The following PSPC1 variants were observed in gnomAD, a reference collection of about 807,000 sequenced individuals.
The protein encoded by PSPC1 is paraspeckle protein 1.
In PSPC1, 14 loss-of-function variants were observed where a neutral mutation model predicts 51.6. That is an observed-to-expected ratio of 0.27 (90% CI 0.18 to 0.42). The LOEUF (loss-of-function observed/expected upper bound fraction) is 0.42, where lower values mean the gene tolerates loss of function less well. PSPC1 is among the 10% of genes least tolerant of loss of function. The pLI is 1.00. For synonymous variants in PSPC1, 193 were observed against 231.9 expected, an observed-to-expected ratio of 0.83 and a Z score of 1.53; for missense variants, 406 against 701.1, an observed-to-expected ratio of 0.58 and a Z score of 4.75.
At chr13:19,672,373 A>G (rs918824375), downstream of PSPC1, 1 of 153,454 alleles carries the variant, frequency 6.5e-6, no homozygotes, top group Non-Finnish European at 1.4e-5. Flanking sequence ...TGAACTCCTG[A>G]CCTCAGGTGA....
rs1222036844 is a variant in PSPC1, at chr13:19,696,489, ACACACACACG to A, written c.1159-18676_1159-18667del. On this transcript the variant is annotated intron_variant and NMD_transcript_variant, in intron 6 of 7. Transcript: ENST00000471658. ...GCATAATTTTGAGTAGGCCTTTATC[ACACACACACG>A]CACACACACACACACATACGCACAC... Among the ~76,000 whole-genome samples, 20 of 144,016 alleles carry A rather than the reference ACACACACACG, an allele frequency of 1.4e-4. No homozygotes were observed. The East Asian group carries it at 3.7e-3, about 27-fold the overall frequency. The allele number at this position is 144,016 out of a possible 152,430, so 94.5% of individuals were successfully genotyped here.
intron 6 of PSPC1, among the ~76,000 whole-genome samples, chr13:19,712,531 G>A (rs1040866740): frequency 6.6e-6 from 1 of 151,780 alleles, no homozygotes; most frequent in Non-Finnish European, 1.5e-5. Context: ...AAATTTCACG[G>A]GAAATGTATC....
At chr13:19,671,820 T>C (rs1432885157), downstream of PSPC1, 4 of 1,613,780 alleles carry the variant, frequency 2.5e-6, no homozygotes, top group Admixed American at 3.3e-5. Context: ...ACCTGCGTTC[T>C]TTTCTTTCAA....
At chr13:19,756,868 G>A (rs183981898) in intron 3 of PSPC1, among the ~76,000 whole-genome samples, 2 of 152,092 alleles carry the variant, frequency 1.3e-5, no homozygotes, top group Admixed American at 6.5e-5. Flanking sequence ...GGTGGCTCAC[G>A]CCTGTAATCC....
At chr13:19,679,452 C>A (rs939752242) in intron 6 of PSPC1, among the ~76,000 whole-genome samples, 1 of 152,134 alleles carries the variant, frequency 6.6e-6, no homozygotes, top group Non-Finnish European at 1.5e-5. Flanking sequence ...GCTGAGATCA[C>A]ACCACTGTGC....
At chr13:19,771,073 C>T (rs1888577484) in intron 2 of PSPC1, among the ~76,000 whole-genome samples, 1 of 151,520 alleles carries the variant, frequency 6.6e-6, no homozygotes, top group Admixed American at 6.6e-5. Context: ...GGGACTACAG[C>T]GCAAATAGCT....
intron 6 of PSPC1, among the ~76,000 whole-genome samples, chr13:19,696,519 G>A (rs894268289): frequency 4.7e-5 from 7 of 148,798 alleles, no homozygotes; most frequent in South Asian, 2.1e-4. Context: ...ACACACATAC[G>A]CACACACACA....
At chr13:19,714,430 A>C (rs780590072) in intron 6 of PSPC1, among the ~76,000 whole-genome samples, 1 of 152,094 alleles carries the variant, frequency 6.6e-6, no homozygotes, top group Non-Finnish European at 1.5e-5. Context: ...TGATTGGTAC[A>C]TAACACTAAA....
At position 19,782,398 on chromosome 13, in the gene PSPC1, G is replaced by A. The variant is rs1890072150; in HGVS notation, c.360C>T (p.Gly120=). 3 of 1,590,238 alleles carry A rather than the reference G, an allele frequency of 1.9e-6. No individual in the cohort carries two copies. The highest frequency in any genetic ancestry group is 2.8e-5 in the African/African-American group (2 of 72,716). ...GCCTGACACTCACCAAGCGGATGAA[G>A]CCGAAGCCACGGTCCCGGTTGATGA... ...EVFINRDRGF[G]FIRLESRTLA... is the part of the protein sequence containing the mutation. The change falls in exon 1 of 9, where the codon GGC becomes GGT. Residue 120 remains glycine, a synonymous_variant. Transcript: ENST00000338910. This position sits in a 1 kb window ranked among gnomAD's most constrained non-coding sequence, Gnocchi z 4.5.
rs909379962 is a variant in PSPC1, at chr13:19,711,747, G to A, written c.1159-2148C>T. Among the ~76,000 whole-genome samples, 9 of 151,278 alleles carry A rather than the reference G, an allele frequency of 5.9e-5. No individual in the cohort carries two copies. In the South Asian group the frequency reaches 1.9e-3, roughly 32 times the overall value. On this transcript the variant is annotated intron_variant, in intron 6 of 8. Transcript: ENST00000338910. ...TAATCCTACCTCCTCAGGAGGCTGC[G>A]GTAGGAGAATCGCTTGAACCCAGGA...
downstream of PSPC1, among the ~76,000 whole-genome samples, chr13:19,701,298 T>C (rs1348723118): frequency 6.6e-6 from 1 of 151,218 alleles, no homozygotes; most frequent in Non-Finnish European, 1.5e-5. Flanking sequence ...AAAAATTACC[T>C]GAGAATTATA....
intron 3 of PSPC1, 70 bp from the exon 4 acceptor site, chr13:19,751,537 G>A (rs1886553924): frequency 2.1e-5 from 24 of 1,156,344 alleles, no homozygotes; most frequent in Admixed American, 3.5e-5. Context: ...AGAACAACAA[G>A]CACTTACAAT....
chr13:19,704,469 C>A (rs1252299063), intron 8 of PSPC1, among the ~76,000 whole-genome samples: 1 of 152,300 alleles, frequency 6.6e-6, no homozygotes, highest in Admixed American at 6.5e-5. Context: ...GGTGGATTTA[C>A]AACTGATGAC....
chr13:19,754,284 C>T (rs1333832702), intron 3 of PSPC1, among the ~76,000 whole-genome samples: 2 of 151,706 alleles, frequency 1.3e-5, no homozygotes, highest in Admixed American at 1.3e-4. Context: ...CGGGGTTTCA[C>T]CATGTTGGCC....
chr13:19,759,460 C>G (rs752009905), intron 2 of PSPC1, 42 bp from the exon 3 acceptor site: 12 of 1,337,602 alleles, frequency 9.0e-6, no homozygotes, highest in Admixed American at 1.8e-5. Context: ...AACACAGTGC[C>G]AAGAATTAAT....
At chr13:19,738,391 G>A (rs1885071616) in intron 5 of PSPC1, among the ~76,000 whole-genome samples, 1 of 152,090 alleles carries the variant, frequency 6.6e-6, no homozygotes, top group Admixed American at 6.6e-5. Context: ...CTGACATATG[G>A]TGTAGTATTC....
At chr13:19,748,805 A>G (rs1183903872) in intron 4 of PSPC1, among the ~76,000 whole-genome samples, 1 of 149,122 alleles carries the variant, frequency 6.7e-6, no homozygotes, top group Non-Finnish European at 1.5e-5. Flanking sequence ...AACAATTCAT[A>G]TTGAACAGAA....
In PSPC1 at chr13:19,730,386, G is replaced by C. The variant is rs201446974; in HGVS notation, c.1053-42C>G. The C allele has an allele frequency of 1.5e-3, 2,322 of 1,536,738 alleles. 15 individuals carry two copies. Among genetic ancestry groups the C allele is most frequent in the South Asian group, 5.6e-3 (500 of 89,216 alleles). On this transcript the variant is annotated intron_variant, in intron 5 of 8. Coordinates refer to ENST00000338910, the MANE Select transcript of PSPC1 (RefSeq NM_001354909.2). ...TAAAAATTTCAGCATCATAACATGT[G>C]GGCTGCCATTGGACATTTTACTTCA...
At chr13:19,678,572 C>T (rs140012132) in intron 6 of PSPC1, 1 of 152,184 alleles carries the variant, frequency 6.6e-6, no homozygotes, top group Non-Finnish European at 1.5e-5. Context: ...TGTTAAAACC[C>T]ATTTGGGACT....
Sources: allele counts gnomAD v4.1 joint callset (sites outside exome capture counted in the v4.1 genomes callset), GRCh38; gene constraint gnomAD v4.1.1; non-coding constraint Gnocchi (gnomAD v3.1); transcripts MANE v1.5; gene names NCBI Gene and HGNC (gene_info 2026-07-23, HGNC 2026-07-21).